ETV6: variants seen among roughly 807,000 people sequenced by gnomAD.
ETV6 encodes the protein transcription factor ETV6.
In ETV6, 16 loss-of-function variants were observed where a neutral mutation model predicts 51.1. The observed-to-expected ratio is 0.31, with a 90% CI of 0.21 to 0.48. The LOEUF (loss-of-function observed/expected upper bound fraction) is 0.48, where lower values mean the gene tolerates loss of function less well. ETV6 is among the 20% of genes least tolerant of loss of function. The pLI is 0.99. For missense variants in ETV6, 458 were observed against 594.8 expected (o/e 0.77, Z 2.39); for synonymous variants, 240 against 224.1 (o/e 1.07, Z -0.64).
At chr12:11,878,712 C>T (rs1225764747) in intron 5 of ETV6, among the ~76,000 whole-genome samples, 2 of 151,382 alleles carry the variant, frequency 1.3e-5, no homozygotes, top group Non-Finnish European at 2.9e-5. Context: ...CGGCAAAGCA[C>T]AAGCAATTGC....
At chr12:11,718,359 T>C (rs1214563166) in intron 1 of ETV6, among the ~76,000 whole-genome samples, 3 of 152,162 alleles carry the variant, frequency 2.0e-5, no homozygotes, top group African/African-American at 4.8e-5. Flanking sequence ...ATGGAGTTAG[T>C]GTTCGGCAGG....
intron 2 of ETV6, among the ~76,000 whole-genome samples, chr12:11,825,291 G>A (rs1201191546): frequency 2.0e-5 from 3 of 152,162 alleles, no homozygotes; most frequent in Non-Finnish European, 4.4e-5. Flanking sequence ...TTTACAAAAG[G>A]TGATTTTTTA....
At chr12:11,729,370 G>T (rs558096922) in intron 1 of ETV6, among the ~76,000 whole-genome samples, 2 of 152,304 alleles carry the variant, frequency 1.3e-5, no homozygotes, top group South Asian at 2.1e-4. Context: ...TTTAACTGGA[G>T]AATTTTTTGG....
intron 1 of ETV6, among the ~76,000 whole-genome samples, chr12:11,724,987 T>C (rs1389980401): frequency 6.6e-6 from 1 of 152,120 alleles, no homozygotes; most frequent in Non-Finnish European, 1.5e-5. Context: ...AAATTTGCAT[T>C]TGGGAAGTGT....
intron 2 of ETV6, among the ~76,000 whole-genome samples, chr12:11,830,581 G>A (rs1946227625): frequency 2.6e-5 from 4 of 152,134 alleles, no homozygotes. Context: ...TGGAGTAAGT[G>A]ATCAGATGTG....
chr12:11,709,565 C>T (rs532279364), intron 1 of ETV6, among the ~76,000 whole-genome samples: 3 of 152,266 alleles, frequency 2.0e-5, no homozygotes, highest in African/African-American at 7.2e-5. Context: ...TGCAGAACAC[C>T]TAGGGCACAA....
chr12:11,659,876 C>G (rs1034261945), intron 1 of ETV6, among the ~76,000 whole-genome samples: 5 of 152,158 alleles, frequency 3.3e-5, no homozygotes, highest in African/African-American at 1.2e-4. Context: ...ACCTCACTTG[C>G]AGGTGTGGCC....
intron 1 of ETV6, among the ~76,000 whole-genome samples, chr12:11,735,693 C>T (rs1289829379): frequency 2.0e-5 from 3 of 152,160 alleles, no homozygotes; most frequent in Non-Finnish European, 2.9e-5. Context: ...CTCCGCCTCC[C>T]GGGTTCAAGC....
intron 2 of ETV6, among the ~76,000 whole-genome samples, chr12:11,817,270 G>T (rs1946007251): frequency 1.3e-5 from 2 of 152,186 alleles, no homozygotes; most frequent in Admixed American, 1.3e-4. Flanking sequence ...TTATGCTTTT[G>T]CCCTTAGATG....
At position 11,891,208 on chromosome 12, in the gene ETV6, C is replaced by CACCTTAGACAAACT; in HGVS notation, c.*166_*179dup. 1.7e-6 allele frequency: 1 copy of CACCTTAGACAAACT among 582,320 alleles called. No homozygotes were observed. Among genetic ancestry groups the CACCTTAGACAAACT allele is most frequent in the Non-Finnish European group, 3.1e-6 (1 of 327,376 alleles). The allele number at this position is 582,320 out of a possible 1,614,324, so 36.1% of individuals were successfully genotyped here. A position where few individuals can be genotyped will look rare whatever the true frequency, so the allele number is the denominator to read the frequency against. ...TTGCAGACCAAGAGGGACCCTGGAGCACCTTAGACAAACTACCCAGCACAG... is the reference window on the plus strand; with the variant it reads ...TTGCAGACCAAGAGGGACCCTGGAGCACCTTAGACAAACTACCTTAGACAAACTACCCAGCACAG... On this transcript the variant is annotated 3_prime_UTR_variant, in exon 8 of 8. Transcript: ENST00000396373.
At position 11,891,260 on chromosome 12, in the gene ETV6, A is replaced by G; in HGVS notation, c.*214A>G. 1.4e-5 allele frequency: 7 copies of G among 517,340 alleles called. No individual in the cohort carries two copies. In the South Asian group the frequency reaches 1.6e-4, roughly 12 times the overall value. The allele number at this position is 517,340 out of a possible 1,614,324, so 32.0% of individuals were successfully genotyped here. A position where few individuals can be genotyped will look rare whatever the true frequency, so the allele number is the denominator to read the frequency against. On this transcript the variant is annotated 3_prime_UTR_variant, in exon 8 of 8. Transcript: ENST00000396373. ...CGGGGCTGGAATTCTGGCGGAGGGC[A>G]TGAGCCTGGGACTCCATGTCACGTT...
chr12:11,762,499 C>A (rs750615554), intron 2 of ETV6, among the ~76,000 whole-genome samples: 4 of 152,228 alleles, frequency 2.6e-5, no homozygotes, highest in African/African-American at 4.8e-5. Flanking sequence ...ATGGGCCACA[C>A]TATCCTCCCT....
chr12:11,731,993 A>G (rs1430536089), intron 1 of ETV6, among the ~76,000 whole-genome samples: 1 of 152,180 alleles, frequency 6.6e-6, no homozygotes, highest in African/African-American at 2.4e-5. Context: ...ACAAACCAGC[A>G]TGGTTGGGTC....
chr12:11,819,957 C>CT (rs1946052470), intron 2 of ETV6, among the ~76,000 whole-genome samples: 1 of 152,234 alleles, frequency 6.6e-6, no homozygotes, highest in South Asian at 2.1e-4. Context: ...AGGATAAAGC[C>CT]TGAACTCCTT....
intron 2 of ETV6, among the ~76,000 whole-genome samples, chr12:11,778,454 C>G (rs1222379432): frequency 6.6e-6 from 1 of 152,196 alleles, no homozygotes; most frequent in African/African-American, 2.4e-5. Context: ...GCAGTGTTTT[C>G]TTGTAACCAT....
At chr12:11,754,896 G>C (rs151151897) in intron 2 of ETV6, among the ~76,000 whole-genome samples, 2 of 152,358 alleles carry the variant, frequency 1.3e-5, no homozygotes, top group East Asian at 3.9e-4. Flanking sequence ...CACAATACCT[G>C]TCAGGTAGGT....
At chr12:11,786,611 G>A (rs920886178) in intron 2 of ETV6, among the ~76,000 whole-genome samples, 6 of 152,184 alleles carry the variant, frequency 3.9e-5, no homozygotes, top group Non-Finnish European at 7.3e-5. Context: ...GCGTCAAGAG[G>A]CAGGATAGTA....
intron 1 of ETV6, among the ~76,000 whole-genome samples, chr12:11,722,470 A>G (rs1429692487): frequency 6.6e-6 from 1 of 152,216 alleles, no homozygotes; most frequent in East Asian, 1.9e-4. Flanking sequence ...CTTTCTTTTA[A>G]GTTTCATTTT....
chr12:11,710,867 G>A (rs562572359), intron 1 of ETV6, among the ~76,000 whole-genome samples: 71 of 152,276 alleles, frequency 4.7e-4, no homozygotes, highest in African/African-American at 1.6e-3. Flanking sequence ...AGGGTCATGA[G>A]TCTGCTCTCT....
Sources: gnomAD v4.1 joint callset for allele counts (sites outside exome capture counted in the v4.1 genomes callset) on GRCh38, gnomAD v4.1.1 for gene constraint, MANE v1.5 for transcripts, NCBI Gene and HGNC (gene_info 2026-07-23, HGNC 2026-07-21) for gene names.